Variants in PCNX2 observed in about 807,000 individuals in gnomAD.
PCNX2 encodes the protein pecanex 2, also known as pecanex-like protein 2.
Under a neutral mutation model 223.8 loss-of-function variants are expected in PCNX2, and 168 were observed. The ratio of observed to expected loss-of-function variants is 0.75; its 90% CI spans 0.66 to 0.85. The LOEUF (loss-of-function observed/expected upper bound fraction) is 0.85. Among genes scored for constraint, PCNX2 ranks in the 40% least tolerant of loss-of-function variants. The pLI is 0.00. For synonymous variants in PCNX2, 1,006 were observed against 1,052.6 expected, an observed-to-expected ratio of 0.96 and a Z score of 0.86; for missense variants, 2,507 against 2,675.5, an observed-to-expected ratio of 0.94 and a Z score of 1.39.
chr1:233,250,830 C>T lies in PCNX2; in HGVS notation c.2131G>A (p.Glu711Lys), dbSNP rs1390817145. 1.9e-6 allele frequency: 3 copies of T among 1,581,952 alleles called. No homozygotes were observed. The highest frequency in any genetic ancestry group is 3.3e-4 in the Middle Eastern group (2 of 6,024). ...AMHVFIDEHG[E>K]IRSCYLKSGN... ...GATTTTAAATAACAGGATCTAATTT[C>T]CCCTGTAAAATCAGAAAATTTCAGC... is the stretch of plus-strand genomic sequence containing the variant. Residue 711 changes from glutamate to lysine, a missense_variant and splice_region_variant, in exon 8 of 34, where the codon GAA becomes AAA. Glu to Lys is a moderately conservative substitution (Grantham distance 56, BLOSUM62 1). Around this residue, in one of 3 missense-constraint regions of PCNX2, gnomAD observed 1,031 missense variants for 1,021.7 expected, o/e 1.01. Transcript: ENST00000258229.
intron 1 of PCNX2, among the ~76,000 whole-genome samples, chr1:233,271,096 T>G (rs1558412237): frequency 6.6e-6 from 1 of 152,190 alleles, no homozygotes; most frequent in Admixed American, 6.5e-5. Context: ...ACTTATATTT[T>G]TAATGTACAC....
In PCNX2 at chr1:233,001,825, G is replaced by T; in HGVS notation, c.4953-144C>A. On this transcript the variant is annotated intron_variant, in intron 28 of 33. Coordinates refer to ENST00000258229, the MANE Select transcript of PCNX2 (RefSeq NM_014801.4). This position sits in a 1 kb window ranked among gnomAD's most constrained non-coding sequence, Gnocchi z 4.2. ...AATGAAGATAACAGGACTCATCCCA[G>T]TGCACCTAGTGCCTACCCCTACAGC... 1.3e-6 allele frequency: 1 copy of T among 746,314 alleles called. No homozygotes were observed. The highest frequency in any genetic ancestry group is 1.9e-6 in the Non-Finnish European group (1 of 520,878). The allele number at this position is 746,314 out of a possible 1,614,324, so 46.2% of individuals were successfully genotyped here. A position where few individuals can be genotyped will look rare whatever the true frequency, so the allele number is the denominator to read the frequency against.
chr1:233,232,458 A>C (rs1658122749), intron 9 of PCNX2, among the ~76,000 whole-genome samples: 1 of 152,196 alleles, frequency 6.6e-6, no homozygotes, highest in Non-Finnish European at 1.5e-5. Flanking sequence ...CTTATGATGG[A>C]TTTATAGGGA....
Position 233,166,232 on chromosome 1 carries a change from G to T in PCNX2, c.3274-4869C>A, listed in dbSNP as rs537535730. Among the ~76,000 whole-genome samples, 3 of 152,010 alleles carry T rather than the reference G, an allele frequency of 2.0e-5. No individual in the cohort carries two copies. The South Asian group carries it at 6.2e-4, about 32-fold the overall frequency. ...AATTAAACAATAACAAAAACATCTT[G>T]ATACTTTGCTGCACATACAGTAATT... On this transcript the variant is annotated intron_variant, in intron 17 of 33. Coordinates refer to ENST00000258229, the MANE Select transcript of PCNX2 (RefSeq NM_014801.4).
At chr1:233,176,803 G>A (rs563308471) in intron 17 of PCNX2, among the ~76,000 whole-genome samples, 1 of 152,296 alleles carries the variant, frequency 6.6e-6, no homozygotes, top group South Asian at 2.1e-4. Flanking sequence ...CACGTGGTCA[G>A]GAGATCGAGA....
chr1:233,075,252 A>C (rs1185939279), intron 23 of PCNX2, among the ~76,000 whole-genome samples: 1 of 152,208 alleles, frequency 6.6e-6, no homozygotes. Flanking sequence ...CAATATAATA[A>C]AATAAACTAA....
chr1:233,019,624 C>T (rs1175858661), intron 26 of PCNX2, among the ~76,000 whole-genome samples: 1 of 151,998 alleles, frequency 6.6e-6, no homozygotes, highest in African/African-American at 2.4e-5. Flanking sequence ...ACTTACCTAC[C>T]CAGCAAGCAG....
At chr1:233,259,400 G>C in intron 4 of PCNX2, 56 bp from the exon 5 acceptor site, 1 of 1,497,986 alleles carries the variant, frequency 6.7e-7, no homozygotes, top group Non-Finnish European at 8.9e-7. Flanking sequence ...TAATGCCCAA[G>C]AGCAAGACCT....
chr1:233,263,073 G>A lies in PCNX2; in HGVS notation c.244C>T (p.His82Tyr). Residue 82 changes from histidine (H) to tyrosine (Y), a missense_variant, in exon 2 of 34, where the codon CAC becomes TAC. Physicochemically the swap from His to Tyr is moderately conservative, Grantham distance 83. Transcript: ENST00000258229. ...ACTTCTCCTTTGTCAAACATGAGGT[G>A]TAGGCGATAACTGACCAGTTTGATT... ...TIIKLVSYRL[H>Y]LMFDKGEVIQ... The A allele has an allele frequency of 6.2e-7, 1 of 1,613,558 alleles. No individual in the cohort carries two copies.
rs1572166055 is a variant in PCNX2, at chr1:233,259,316, TATGGG to T, written c.541_545del (p.Pro181SerfsTer45). 1.2e-6 allele frequency: 2 copies of T among 1,613,340 alleles called. No individual in the cohort carries two copies. The highest frequency in any genetic ancestry group is 4.5e-5 in the East Asian group (2 of 44,844). On this transcript the variant is annotated frameshift_variant, in exon 5 of 34. Transcript: ENST00000258229. LOFTEE classifies it high-confidence loss of function. ...CAGGTGAGGTAGATGACACTGGTGC[TATGGG>T]ATGGTCTTCTAATAGAATGACACCT...
intron 19 of PCNX2, among the ~76,000 whole-genome samples, chr1:233,144,954 T>G (rs1234452124): frequency 4.6e-5 from 1 of 21,662 alleles, no homozygotes; most frequent in Non-Finnish European, 8.5e-5. Context: ...TGTTGTTTTG[T>G]TTTTTTTTTT....
At chr1:233,027,763 C>T (rs569058112) in intron 25 of PCNX2, among the ~76,000 whole-genome samples, 181 of 152,248 alleles carry the variant, frequency 1.2e-3, no homozygotes, top group African/African-American at 4.1e-3. Flanking sequence ...CTTCCCCTTC[C>T]CCTCTTCCTT....
chr1:233,116,640 C>T (rs998290033), intron 21 of PCNX2, among the ~76,000 whole-genome samples: 2 of 151,996 alleles, frequency 1.3e-5, no homozygotes, highest in Non-Finnish European at 2.9e-5. Context: ...ATTTGTGGAG[C>T]ACAGCTAAAG....
rs2057307 is a variant in PCNX2 at position 232,990,192 on chromosome 1, G to A, written c.5792-3652C>T. On this transcript the variant is annotated intron_variant, in intron 32 of 33. Coordinates refer to ENST00000258229, the MANE Select transcript of PCNX2 (RefSeq NM_014801.4). The surrounding 1 kb of genome is among the most constrained non-coding windows in gnomAD (Gnocchi z 4.3). ...AATGATGGCCTGCTGGGAATGGCAG[G>A]TAGGTGGTTTCCGCAAAGTGTCCCG... is the stretch of plus-strand genomic sequence containing the variant. Among the ~76,000 whole-genome samples, 3,245 of 152,356 alleles carry A rather than the reference G, an allele frequency of 0.021. 52 individuals are homozygous for A. Among genetic ancestry groups the A allele is most frequent in the African/African-American group, 0.043 (1,787 of 41,584 alleles).
intron 21 of PCNX2, among the ~76,000 whole-genome samples, chr1:233,123,652 GA>G (rs1675936193): frequency 1.3e-5 from 2 of 152,174 alleles, no homozygotes; most frequent in Admixed American, 1.3e-4. Context: ...CAACCAAGTG[GA>G]ATGCTTAAGT....
rs369495977 is a variant in PCNX2, at chr1:233,167,774, G to A, written c.3274-6411C>T. On this transcript the variant is annotated intron_variant, in intron 17 of 33. Coordinates refer to ENST00000258229, the MANE Select transcript of PCNX2 (RefSeq NM_014801.4). ...ACTTCAGAGCTTGCTACTGTGTCCT[G>A]TGAAAGCAGCCTTTAATAAGCTCTA... 692 of 984,904 alleles carry A rather than the reference G, an allele frequency of 7.0e-4. 8 individuals carry two copies. In the South Asian group the frequency reaches 0.029, roughly 41 times the overall value. The allele number at this position is 984,904 out of a possible 1,614,324, so 61.0% of individuals were successfully genotyped here. A position where few individuals can be genotyped will look rare whatever the true frequency, so the allele number is the denominator to read the frequency against.
chr1:233,264,111 A>G (rs1401130505), intron 1 of PCNX2, among the ~76,000 whole-genome samples: 2 of 152,144 alleles, frequency 1.3e-5, no homozygotes, highest in African/African-American at 4.8e-5. Flanking sequence ...CCTTCAAGAA[A>G]CAAAACGAAA....
At chr1:233,206,153 A>G (rs1470618128) in intron 13 of PCNX2, among the ~76,000 whole-genome samples, 1 of 152,178 alleles carries the variant, frequency 6.6e-6, no homozygotes, top group Non-Finnish European at 1.5e-5. Context: ...GTGGCACTCT[A>G]TCAACACTAA....
intron 10 of PCNX2, among the ~76,000 whole-genome samples, chr1:233,226,240 C>T (rs1321877866): frequency 6.6e-6 from 1 of 152,162 alleles, no homozygotes; most frequent in Non-Finnish European, 1.5e-5. Context: ...GAAGCCCCCA[C>T]TCCTTAGGCC....
Sources: gnomAD v4.1 joint callset for allele counts (sites outside exome capture counted in the v4.1 genomes callset) on GRCh38, gnomAD v4.1.1 for gene constraint, gnomAD v4.1.1 regional missense constraint, Gnocchi (gnomAD v3.1) non-coding constraint, MANE v1.5 for transcripts, NCBI Gene and HGNC (gene_info 2026-07-23, HGNC 2026-07-21) for gene names.